The following GPR158 variants were observed in gnomAD, a reference collection of about 807,000 sequenced individuals.
GPR158 encodes metabotropic glycine receptor.
In GPR158, 30 loss-of-function variants were observed where a neutral mutation model predicts 78.2. The observed-to-expected ratio is 0.38, with a 90% CI of 0.29 to 0.52. The LOEUF (loss-of-function observed/expected upper bound fraction) is 0.52. Among genes scored for constraint, GPR158 ranks in the 20% least tolerant of loss-of-function variants. The pLI is 0.83. For missense variants in GPR158, 1,463 were observed against 1,523.5 expected, an observed-to-expected ratio of 0.96 and a Z score of 0.66; for synonymous variants, 581 against 591.1, an observed-to-expected ratio of 0.98 and a Z score of 0.25.
chr10:25,311,732 TTAA>T (rs1854768071), intron 2 of GPR158, among the ~76,000 whole-genome samples: 1 of 152,050 alleles, frequency 6.6e-6, no homozygotes, highest in Non-Finnish European at 1.5e-5. Flanking sequence ...GGTATACCTA[TTAA>T]TCTTTAGCTT....
At chr10:25,238,065 C>CCTTCTTCTTCCTT (rs6143830) in intron 2 of GPR158, among the ~76,000 whole-genome samples, 28,900 of 151,716 alleles carry the variant, frequency 0.19, 4,296 homozygotes, top group African/African-American at 0.4. Context: ...TCTTTTCTCT[C>CCTTCTTCTTCCTT]CTTCTTCTTC....
intron 4 of GPR158, among the ~76,000 whole-genome samples, chr10:25,445,689 A>T (rs928571925): frequency 2.6e-5 from 4 of 152,082 alleles, no homozygotes; most frequent in Non-Finnish European, 5.9e-5. Flanking sequence ...TAATTTCCAA[A>T]GACCATAGGA....
At chr10:25,444,033 T>G (rs555114465) in intron 4 of GPR158, among the ~76,000 whole-genome samples, 5 of 151,758 alleles carry the variant, frequency 3.3e-5, no homozygotes, top group African/African-American at 1.2e-4. Context: ...CTCCTGTGCT[T>G]TGTAAATGGC....
chr10:25,337,802 A>G lies in GPR158; in HGVS notation c.1009-58109A>G, dbSNP rs182277386. Among the ~76,000 whole-genome samples, 367 of 152,026 alleles carry G rather than the reference A, an allele frequency of 2.4e-3. 2 individuals are homozygous for G. Among genetic ancestry groups the G allele is most frequent in the Middle Eastern group, 0.01 (3 of 294 alleles). ...GCTCCACACACTTGCCAACCATGAT[A>G]TTGTCAGTTTTAATTTTAGCCTATC... On this transcript the variant is annotated intron_variant, in intron 2 of 10. Transcript: ENST00000376351.
intron 2 of GPR158, among the ~76,000 whole-genome samples, chr10:25,392,827 A>C (rs1834319079): frequency 6.6e-6 from 1 of 152,234 alleles, no homozygotes; most frequent in African/African-American, 2.4e-5. Flanking sequence ...TCTTCATAAA[A>C]AAAAATAAGC....
intron 4 of GPR158, among the ~76,000 whole-genome samples, chr10:25,436,580 A>G (rs1835000330): frequency 6.6e-6 from 1 of 152,218 alleles, no homozygotes; most frequent in Non-Finnish European, 1.5e-5. Flanking sequence ...AAGCCAGATC[A>G]TTGTCATGCT....
At position 25,205,568 on chromosome 10, in the gene GPR158, G is replaced by C. The variant is rs139318403; in HGVS notation, c.903-15484G>C. On this transcript the variant is annotated intron_variant, in intron 1 of 10. Transcript: ENST00000376351. ...TGGTGTGGGCAGTTAGCACTATAAA[G>C]GTTCCTCTTAACACTGCTTTAGCTG... Among the ~76,000 whole-genome samples the C allele has an allele frequency of 4.1e-3, 616 of 152,018 alleles. 5 individuals are homozygous for C. Among genetic ancestry groups the C allele is most frequent in the African/African-American group, 0.013 (537 of 41,488 alleles).
In GPR158 at chr10:25,491,180, T is replaced by C. The variant is rs576655810; in HGVS notation, c.1404+24461T>C. On this transcript the variant is annotated intron_variant, in intron 5 of 10. Coordinates refer to ENST00000376351, the MANE Select transcript of GPR158 (RefSeq NM_020752.3). ...CACATCAAAGCTTTTCTATAGATCT[T>C]TGTAAAAGAGTCAATTATTGCTCAC... Among the ~76,000 whole-genome samples, 52 of 152,308 alleles carry C rather than the reference T, an allele frequency of 3.4e-4. No individual in the cohort carries two copies. In the South Asian group the frequency reaches 0.011, roughly 31 times the overall value.
intron 2 of GPR158, among the ~76,000 whole-genome samples, chr10:25,385,488 G>A (rs1426965365): frequency 6.6e-6 from 1 of 152,104 alleles, no homozygotes; most frequent in Non-Finnish European, 1.5e-5. Context: ...ATACCAAAAA[G>A]GGATTGCAAG....
chr10:25,267,051 C>T (rs7923252), intron 2 of GPR158, among the ~76,000 whole-genome samples: 11,973 of 152,040 alleles, frequency 0.079, 647 homozygotes, highest in East Asian at 0.25. Context: ...TCTTTCTGCC[C>T]TCTATTCCTC....
At chr10:25,551,548 C>T (rs1195429335) in intron 6 of GPR158, among the ~76,000 whole-genome samples, 1 of 152,154 alleles carries the variant, frequency 6.6e-6, no homozygotes, top group African/African-American at 2.4e-5. Flanking sequence ...GAAAATAGTG[C>T]TTTTGGCTTT....
At chr10:25,454,591 A>T (rs1835266486) in intron 4 of GPR158, among the ~76,000 whole-genome samples, 1 of 152,168 alleles carries the variant, frequency 6.6e-6, no homozygotes, top group Non-Finnish European at 1.5e-5. Flanking sequence ...GTAAAAACAG[A>T]TGAAGGCATC....
At chr10:25,210,047 G>A (rs576935385) in intron 1 of GPR158, among the ~76,000 whole-genome samples, 11 of 152,186 alleles carry the variant, frequency 7.2e-5, no homozygotes, top group Non-Finnish European at 1.6e-4. Context: ...AAACTTAAAA[G>A]TCGTGAAATT....
At chr10:25,273,764 C>T (rs1470217198) in intron 2 of GPR158, among the ~76,000 whole-genome samples, 2 of 151,916 alleles carry the variant, frequency 1.3e-5, no homozygotes, top group African/African-American at 2.4e-5. Context: ...ACTGAAGCCT[C>T]GACCTCCCAG....
At chr10:25,231,734 G>A (rs1233741237) in intron 2 of GPR158, among the ~76,000 whole-genome samples, 3 of 152,172 alleles carry the variant, frequency 2.0e-5, no homozygotes, top group African/African-American at 7.2e-5. Flanking sequence ...TAACAGAGGT[G>A]AATATGGAGG....
chr10:25,177,366 C>T (rs1651778504), intron 1 of GPR158, among the ~76,000 whole-genome samples: 1 of 152,176 alleles, frequency 6.6e-6, no homozygotes, highest in South Asian at 2.1e-4. Context: ...CTGAGATCTT[C>T]CCTTAGTCCC....
intron 5 of GPR158, among the ~76,000 whole-genome samples, chr10:25,532,522 C>G (rs2130694868): frequency 1.3e-5 from 2 of 152,146 alleles, no homozygotes; most frequent in South Asian, 4.1e-4. Flanking sequence ...GATTCTCTTG[C>G]TTCTCCTTGG....
Position 25,551,033 on chromosome 10 carries a change from C to A in GPR158, c.1462C>A (p.Arg488Ser). The A allele has an allele frequency of 6.2e-7, 1 of 1,610,944 alleles. No homozygotes were observed. Among genetic ancestry groups the A allele is most frequent in the Non-Finnish European group, 8.5e-7 (1 of 1,177,322 alleles). ...TCGCTGTATTCTCCTAAGATGGGCT[C>A]GTCTTCTCGGTTTTGCTACTGTTTA... ...TFRCILLRWA[R>S]LLGFATVYGT... The change falls in exon 6 of 11, where the codon CGT becomes AGT. Residue 488 changes from arginine to serine, a missense_variant. Physicochemically the swap from Arg to Ser is moderately radical, Grantham distance 110. Transcript: ENST00000376351.
chr10:25,222,163 C>G (rs1399398031), intron 2 of GPR158, among the ~76,000 whole-genome samples: 1 of 151,936 alleles, frequency 6.6e-6, no homozygotes, highest in African/African-American at 2.4e-5. Context: ...ACCATGTATA[C>G]ACCCACCACG....
Sources: allele counts gnomAD v4.1 joint callset (sites outside exome capture counted in the v4.1 genomes callset), GRCh38; gene constraint gnomAD v4.1.1; transcripts MANE v1.5; gene names NCBI Gene and HGNC (gene_info 2026-07-23, HGNC 2026-07-21).